TBL1Y: variants seen among roughly 807,000 people sequenced by gnomAD.
TBL1Y encodes F-box-like/WD repeat-containing protein TBL1Y.
A neutral mutation model predicts 12.0 loss-of-function variants in TBL1Y; 15 were observed. That is an observed-to-expected ratio of 1.25 (90% CI 0.83 to 1.92). The LOEUF (loss-of-function observed/expected upper bound fraction) is 1.92, where lower values mean the gene tolerates loss of function less well. Ranked by LOEUF, TBL1Y falls within the 40% of genes most tolerant of loss-of-function variation. The probability of loss-of-function intolerance (pLI) is 0.00; values close to 1 mark genes in which losing one functional copy is unlikely to be tolerated. For missense variants in TBL1Y, 148 were observed against 116.7 expected, an observed-to-expected ratio of 1.27 and a Z score of -1.24; for synonymous variants, 53 against 42.6, an observed-to-expected ratio of 1.24 and a Z score of -0.95.
intron 14 of TBL1Y, among the ~76,000 whole-genome samples, chrY:7,084,650 T>C (rs779127058): frequency 4.5e-4 from 15 of 33,571 alleles, no homozygotes; most frequent in African/African-American, 1.7e-3. Context: ...TTTTCTGCCT[T>C]GGTCCCTGGG....
At chrY:7,016,375 G>A (rs752686349) in intron 4 of TBL1Y, among the ~76,000 whole-genome samples, 57 of 32,427 alleles carry the variant, frequency 1.8e-3, no homozygotes, top group South Asian at 5.9e-3. Context: ...GGGCAACAGC[G>A]GGCACTGTCA....
At chrY:6,967,703 T>C in intron 2 of TBL1Y, among the ~76,000 whole-genome samples, 1 of 34,196 alleles carries the variant, frequency 2.9e-5, no homozygotes. Flanking sequence ...GACTTTTTTT[T>C]TCTTTTGAGA....
intron 6 of TBL1Y, among the ~76,000 whole-genome samples, chrY:7,032,712 A>C: frequency 1.2e-4 from 4 of 33,797 alleles, no homozygotes; most frequent in African/African-American, 3.5e-4. Context: ...AGCACTGCTC[A>C]GCTGTGAAAA....
At chrY:6,998,930 C>T in intron 4 of TBL1Y, among the ~76,000 whole-genome samples, 1 of 33,859 alleles carries the variant, frequency 3.0e-5, no homozygotes, top group Non-Finnish European at 7.3e-5. Flanking sequence ...TCTCCAAACA[C>T]GTTCACAAAG....
chrY:7,067,876 G>A, intron 8 of TBL1Y, among the ~76,000 whole-genome samples: 1 of 33,186 alleles, frequency 3.0e-5, no homozygotes, highest in Non-Finnish European at 7.4e-5. Flanking sequence ...CCTCAGAGAT[G>A]CTTGGTGTCC....
intron 4 of TBL1Y, among the ~76,000 whole-genome samples, chrY:6,998,467 A>G: frequency 3.1e-5 from 1 of 32,466 alleles, no homozygotes; most frequent in East Asian, 8.1e-4. Flanking sequence ...CAGGCGTGAT[A>G]GTGTATTGCT....
At chrY:7,027,614 A>G (rs2012633048) in intron 6 of TBL1Y, among the ~76,000 whole-genome samples, 1 of 32,421 alleles carries the variant, frequency 3.1e-5, no homozygotes, top group Non-Finnish European at 7.5e-5. Context: ...CCCGGGAGGC[A>G]GAGCTTGCAG....
chrY:7,031,817 T>A, intron 6 of TBL1Y, among the ~76,000 whole-genome samples: 1 of 33,184 alleles, frequency 3.0e-5, no homozygotes, highest in East Asian at 8.1e-4. Flanking sequence ...CCAAGTGAAA[T>A]TAGCCAGTCA....
At chrY:6,999,187 A>G in intron 4 of TBL1Y, among the ~76,000 whole-genome samples, 1 of 33,402 alleles carries the variant, frequency 3.0e-5, no homozygotes, top group Admixed American at 2.7e-4. Context: ...AGTTCTGGAC[A>G]CTCAGCCTGC....
chrY:6,970,449 G>C, intron 2 of TBL1Y, among the ~76,000 whole-genome samples: 1 of 32,787 alleles, frequency 3.0e-5, no homozygotes, highest in Non-Finnish European at 7.5e-5. Flanking sequence ...CTGCCACCAG[G>C]CCTGGCTAAT....
At chrY:7,005,056 C>T in intron 4 of TBL1Y, among the ~76,000 whole-genome samples, 1 of 33,473 alleles carries the variant, frequency 3.0e-5, no homozygotes, top group Non-Finnish European at 7.3e-5. Flanking sequence ...TTCATTGGAA[C>T]ACAGCTACAC....
At chrY:7,047,625 T>A in intron 7 of TBL1Y, among the ~76,000 whole-genome samples, 1 of 33,349 alleles carries the variant, frequency 3.0e-5, no homozygotes, top group Non-Finnish European at 7.4e-5. Flanking sequence ...TAATGGGTTA[T>A]CATAGGTAAT....
chrY:6,975,110 T>G (rs185975114), intron 2 of TBL1Y, among the ~76,000 whole-genome samples: 26 of 33,942 alleles, frequency 7.7e-4, no homozygotes, highest in African/African-American at 3.0e-3. Flanking sequence ...GGAACTGTCT[T>G]GTGTGTTTAC....
chrY:6,931,692 A>G (rs2011867094), intron 2 of TBL1Y, among the ~76,000 whole-genome samples: 2 of 34,005 alleles, frequency 5.9e-5, no homozygotes, highest in East Asian at 1.6e-3. Flanking sequence ...AGCACTGGTC[A>G]TACCCACCCA....
rs1248382972 is a variant in TBL1Y at position 7,074,621 on chromosome Y, G to A, written c.955+1G>A. On this transcript the variant is annotated splice_donor_variant, in intron 13 of 18. Coordinates refer to ENST00000383032, the MANE Select transcript of TBL1Y (RefSeq NM_033284.2). LOFTEE classifies it high-confidence loss of function. ...AAACAGCAGTTTCCTTTTCATTCAG[G>A]TGAGTCTTTATGTTTGTGTTTTGTA... 4 of 396,435 alleles carry A rather than the reference G, an allele frequency of 1.0e-5. No homozygotes were observed. The highest frequency in any genetic ancestry group is 7.4e-5 in the Admixed American group (1 of 13,466).
At chrY:6,921,982 G>C in intron 2 of TBL1Y, among the ~76,000 whole-genome samples, 3 of 33,881 alleles carry the variant, frequency 8.9e-5, no homozygotes, top group South Asian at 1.3e-3. Context: ...AGTTCTTAAC[G>C]ATGGTGTGTC....
intron 4 of TBL1Y, among the ~76,000 whole-genome samples, chrY:7,002,810 C>T (rs2012460856): frequency 3.0e-5 from 1 of 33,790 alleles, no homozygotes; most frequent in African/African-American, 1.2e-4. Flanking sequence ...TCTTCGTTTG[C>T]AGCTTATGCT....
At chrY:6,979,763 C>T in intron 3 of TBL1Y, among the ~76,000 whole-genome samples, 2 of 33,364 alleles carry the variant, frequency 6.0e-5, no homozygotes, top group African/African-American at 1.2e-4. Flanking sequence ...CTGAAACGTC[C>T]ACCTCCCAGG....
At chrY:6,993,195 T>TTCTTTCTTTCTTTCTC (rs2012382987) in intron 3 of TBL1Y, among the ~76,000 whole-genome samples, 10 of 10,279 alleles carry the variant, frequency 9.7e-4, no homozygotes, top group Admixed American at 6.3e-3. Context: ...TTCCTTTTCT[T>TTCTTTCTTTCTTTCTC]TCTTTCTTTC....
Sources: gnomAD v4.1 joint callset for allele counts (sites outside exome capture counted in the v4.1 genomes callset) on GRCh38, gnomAD v4.1.1 for gene constraint, MANE v1.5 for transcripts, NCBI Gene and HGNC (gene_info 2026-07-23, HGNC 2026-07-21) for gene names.